The following SUDS3 variants were observed in gnomAD, a reference collection of about 807,000 sequenced individuals.
SUDS3 encodes sin3 histone deacetylase corepressor complex component SDS3.
Under a neutral mutation model 53.5 loss-of-function variants are expected in SUDS3, and 23 were observed. The ratio of observed to expected loss-of-function variants is 0.43; its 90% CI spans 0.31 to 0.61. The LOEUF is 0.61. Ranked by LOEUF, SUDS3 falls within the 20% of genes least tolerant of loss-of-function variation. SUDS3 has a pLI of 0.10. For missense variants in SUDS3, 291 were observed against 405.9 expected (o/e 0.72, Z 2.43); for synonymous variants, 150 against 148.5 (o/e 1.01, Z -0.08).
At position 118,391,205 on chromosome 12, in the gene SUDS3, AAG is replaced by A; in HGVS notation, c.444_445del (p.Asn149ProfsTer4). On this transcript the variant is annotated frameshift_variant, in exon 6 of 12. Transcript: ENST00000543473. LOFTEE classifies it high-confidence loss of function. ...TTTGAAGACAAGAAGGTTGAGCTGAAAGAGAACCTGATTGCTGAGCTAGAAGA... is the reference window on the plus strand; with the variant it reads ...TTTGAAGACAAGAAGGTTGAGCTGAAAGAACCTGATTGCTGAGCTAGAAGA... The A allele has an allele frequency of 6.2e-7, 1 of 1,613,842 alleles. No individual in the cohort carries two copies. The highest frequency in any genetic ancestry group is 1.3e-5 in the African/African-American group (1 of 75,020).
chr12:118,416,238 T>C lies in SUDS3; in HGVS notation c.*1805T>C, dbSNP rs1368106433. ...ATGGAAATTAGATATATTTCATGTA[T>C]TTTTCCATTGAAGGTGGAGTTTTTC... On this transcript the variant is annotated 3_prime_UTR_variant, in exon 12 of 12. Coordinates refer to ENST00000543473, the MANE Select transcript of SUDS3 (RefSeq NM_022491.3). The C allele has an allele frequency of 6.6e-6, 1 of 152,246 alleles. No individual in the cohort carries two copies. The highest frequency in any genetic ancestry group is 1.5e-5 in the Non-Finnish European group (1 of 68,048). 9.4% of individuals were successfully genotyped at this position (152,246 alleles called of 1,614,324 possible).
At chr12:118,395,616 T>C (rs1402382513) in intron 6 of SUDS3, among the ~76,000 whole-genome samples, 1 of 152,150 alleles carries the variant, frequency 6.6e-6, no homozygotes, top group Non-Finnish European at 1.5e-5. Flanking sequence ...TGGCCAACTT[T>C]GGCTTTAAAG....
At chr12:118,396,043 A>G (rs1386580494) in intron 6 of SUDS3, among the ~76,000 whole-genome samples, 1 of 152,020 alleles carries the variant, frequency 6.6e-6, no homozygotes, top group Admixed American at 6.6e-5. Context: ...CCACCGCAGC[A>G]TTAATTTGTG....
At chr12:118,389,054 C>T (rs962102333) in intron 4 of SUDS3, among the ~76,000 whole-genome samples, 1 of 152,082 alleles carries the variant, frequency 6.6e-6, no homozygotes, top group Non-Finnish European at 1.5e-5. Flanking sequence ...GAGGCTGAGG[C>T]AGTAGAATTG....
intron 10 of SUDS3, 135 bp from the exon 11 acceptor site, chr12:118,410,938 G>T: frequency 1.3e-6 from 1 of 755,964 alleles, no homozygotes; most frequent in Non-Finnish European, 2.2e-6. Context: ...GGGAAATCCA[G>T]GCTATTCCTC....
chr12:118,405,494 A>G (rs2046301349), intron 10 of SUDS3, among the ~76,000 whole-genome samples: 1 of 152,246 alleles, frequency 6.6e-6, no homozygotes, highest in African/African-American at 2.4e-5. Context: ...AGCATTTTGA[A>G]GGAATTTTCA....
intron 1 of SUDS3, among the ~76,000 whole-genome samples, chr12:118,378,164 T>C (rs1437108527): frequency 1.3e-5 from 2 of 152,246 alleles, no homozygotes; most frequent in Admixed American, 1.3e-4. Flanking sequence ...ACCCCAGCCA[T>C]TAGCTTGTTC....
intron 1 of SUDS3, among the ~76,000 whole-genome samples, chr12:118,379,256 G>A (rs2046031494): frequency 6.6e-6 from 1 of 151,976 alleles, no homozygotes; most frequent in Non-Finnish European, 1.5e-5. Context: ...GGCCAACGTG[G>A]CGAAACCTCA....
At chr12:118,406,464 G>T (rs2046309181) in intron 10 of SUDS3, among the ~76,000 whole-genome samples, 1 of 152,124 alleles carries the variant, frequency 6.6e-6, no homozygotes, top group Non-Finnish European at 1.5e-5. Context: ...CCCCACTTTT[G>T]TGTCCACCTT....
chr12:118,413,068 A>G (rs1198340000), intron 11 of SUDS3, among the ~76,000 whole-genome samples: 1 of 152,158 alleles, frequency 6.6e-6, no homozygotes, highest in Non-Finnish European at 1.5e-5. Flanking sequence ...TCAGTTTTTC[A>G]TTTAAAATGA....
At position 118,383,891 on chromosome 12, in the gene SUDS3, T is replaced by C. The variant is rs1169167233; in HGVS notation, c.213-121T>C. 6.0e-6 allele frequency: 5 copies of C among 826,688 alleles called. No individual in the cohort carries two copies. The East Asian group carries it at 1.1e-4, about 18-fold the overall frequency. The allele number at this position is 826,688 out of a possible 1,614,324, so 51.2% of individuals were successfully genotyped here. On this transcript the variant is annotated intron_variant, in intron 2 of 11. Transcript: ENST00000543473. ...CCAGCAAGCAGACTTTACTTTCCTC[T>C]CTTCCCTGAAGGACATTAATGACCT...
chr12:118,392,992 A>G (rs1178262940), intron 6 of SUDS3, among the ~76,000 whole-genome samples: 1 of 152,220 alleles, frequency 6.6e-6, no homozygotes, highest in Admixed American at 6.5e-5. Flanking sequence ...ATCATTTGTA[A>G]CGCAATAAAA....
rs201273293 is a variant in SUDS3, at chr12:118,403,562, C to T, written c.803+45C>T. The T allele has an allele frequency of 3.2e-3, 4,790 of 1,492,652 alleles. 29 individuals are homozygous for T. The highest frequency in any genetic ancestry group is 7.8e-3 in the South Asian group (660 of 84,608). The allele number at this position is 1,492,652 out of a possible 1,614,324, so 92.5% of individuals were successfully genotyped here. On this transcript the variant is annotated intron_variant, in intron 10 of 11. Coordinates refer to ENST00000543473, the MANE Select transcript of SUDS3 (RefSeq NM_022491.3). ...GGACTAGTAAGAGTCTCATATGAAC[C>T]ACTTGGAAAGAGGGCTGGGGCTATT...
At chr12:118,410,666 G>A (rs1326519123) in intron 10 of SUDS3, among the ~76,000 whole-genome samples, 1 of 151,404 alleles carries the variant, frequency 6.6e-6, no homozygotes, top group Admixed American at 6.6e-5. Context: ...GCGCCATCTC[G>A]GCTCACTGCA....
chr12:118,414,220 C>G (rs899233386), intron 11 of SUDS3, 115 bp from the exon 12 acceptor site: 1 of 764,790 alleles, frequency 1.3e-6, no homozygotes, highest in East Asian at 2.9e-5. Context: ...TTTATTCCAG[C>G]AAGAGGCTAC....
chr12:118,379,927 C>T (rs2046039911), intron 1 of SUDS3, among the ~76,000 whole-genome samples: 1 of 152,230 alleles, frequency 6.6e-6, no homozygotes, highest in South Asian at 2.1e-4. Flanking sequence ...ATGGATACTA[C>T]AACCTGAGGA....
chr12:118,411,559 G>C (rs1267083787), intron 11 of SUDS3, among the ~76,000 whole-genome samples: 1 of 151,802 alleles, frequency 6.6e-6, no homozygotes. Context: ...GTACAGTTGT[G>C]CTATCTTGGC....
intron 2 of SUDS3, among the ~76,000 whole-genome samples, chr12:118,381,642 C>T (rs745953695): frequency 1.2e-4 from 19 of 152,118 alleles, no homozygotes; most frequent in Non-Finnish European, 2.4e-4. Flanking sequence ...CTGCTTTGGT[C>T]TCCCAAAGTG....
intron 10 of SUDS3, among the ~76,000 whole-genome samples, chr12:118,409,499 T>C (rs975346453): frequency 6.6e-6 from 1 of 152,064 alleles, no homozygotes; most frequent in African/African-American, 2.4e-5. Context: ...CTTGGAAACC[T>C]GAGTTTTCAG....
Sources: allele counts gnomAD v4.1 joint callset (sites outside exome capture counted in the v4.1 genomes callset), GRCh38; gene constraint gnomAD v4.1.1; transcripts MANE v1.5; gene names NCBI Gene and HGNC (gene_info 2026-07-23, HGNC 2026-07-21).